Variants in RUFY3 observed in about 807,000 individuals in gnomAD.
RUFY3 encodes protein RUFY3.
A neutral mutation model predicts 84.0 loss-of-function variants in RUFY3; 34 were observed. That is an observed-to-expected ratio of 0.40 (90% CI 0.31 to 0.54). The LOEUF is 0.54. Ranked by LOEUF, RUFY3 falls within the 20% of genes least tolerant of loss-of-function variation. The pLI is 0.39. For synonymous variants in RUFY3, 242 were observed against 252.9 expected (o/e 0.96, Z 0.41); for missense variants, 507 against 736.8 (o/e 0.69, Z 3.61).
chr4:70,713,541 G>A (rs1741235308), intron 1 of RUFY3, among the ~76,000 whole-genome samples: 1 of 152,088 alleles, frequency 6.6e-6, no homozygotes, highest in Non-Finnish European at 1.5e-5. Context: ...AGCTTTGTCA[G>A]AGGGAGTGGT....
chr4:70,777,918 T>G (rs1163515332), intron 7 of RUFY3, among the ~76,000 whole-genome samples: 4 of 152,180 alleles, frequency 2.6e-5, no homozygotes, highest in Non-Finnish European at 5.9e-5. Context: ...TAGCCTTTTG[T>G]AAGCCTAGAG....
intron 15 of RUFY3, chr4:70,802,740 A>G: frequency 2.4e-6 from 1 of 425,496 alleles, no homozygotes; most frequent in East Asian, 3.5e-5. Flanking sequence ...CTTATATAAT[A>G]AGTCAAGGGT....
chr4:70,768,033 C>G (rs1423908582), intron 4 of RUFY3, among the ~76,000 whole-genome samples: 1 of 152,028 alleles, frequency 6.6e-6, no homozygotes, highest in African/African-American at 2.4e-5. Context: ...TGGGGTCTTA[C>G]TATGTTGCTC....
At position 70,722,431 on chromosome 4, in the gene RUFY3, A is replaced by C; in HGVS notation, c.-143A>C. The C allele has an allele frequency of 7.5e-7, 1 of 1,336,452 alleles. No homozygotes were observed. 82.8% of individuals were successfully genotyped at this position (1,336,452 alleles called of 1,614,324 possible). On this transcript the variant is annotated 5_prime_UTR_variant, in exon 1 of 18. Coordinates refer to ENST00000381006, the MANE Select transcript of RUFY3 (RefSeq NM_001037442.4). ...TATTTTTCCTTTTTTTTTTTTTTAA[A>C]CCTCCCCCACCCTTTTCCTGAAAGC... is the stretch of plus-strand genomic sequence containing the variant.
intron 1 of RUFY3, among the ~76,000 whole-genome samples, chr4:70,756,609 C>T (rs77842791): frequency 1.2e-3 from 181 of 152,244 alleles, no homozygotes; most frequent in Non-Finnish European, 2.0e-3. Flanking sequence ...CTACTGCTAC[C>T]CCTTCCTTAC....
chr4:70,707,479 C>G (rs1190106667), intron 1 of RUFY3, among the ~76,000 whole-genome samples: 5 of 152,178 alleles, frequency 3.3e-5, no homozygotes, highest in Non-Finnish European at 7.4e-5. Flanking sequence ...CTCCTGACCT[C>G]AAATGATCCA....
chr4:70,726,183 G>A (rs1718198174), intron 1 of RUFY3, among the ~76,000 whole-genome samples: 1 of 152,116 alleles, frequency 6.6e-6, no homozygotes, highest in Non-Finnish European at 1.5e-5. Context: ...AAAGCAGAAT[G>A]TACCCGATGA....
chr4:70,765,823 C>T (rs544136862), intron 4 of RUFY3, among the ~76,000 whole-genome samples: 4 of 149,066 alleles, frequency 2.7e-5, no homozygotes, highest in East Asian at 2.0e-4. Context: ...AGTGCAGTGG[C>T]GCTATCTCCA....
chr4:70,781,848 T>A (rs1411782479), intron 8 of RUFY3, among the ~76,000 whole-genome samples: 1 of 152,300 alleles, frequency 6.6e-6, no homozygotes, highest in Non-Finnish European at 1.5e-5. Flanking sequence ...TGGTTATTCC[T>A]CTCGGCCTCA....
Position 70,793,769 on chromosome 4 carries a change from T to C in RUFY3, c.1338-16T>C, listed in dbSNP as rs758079709. ...GCTTTTGTTTTTTATCACAAGTTCA[T>C]GTGGCTCACATCCAGATTGCGCCAG... On this transcript the variant is annotated splice_polypyrimidine_tract_variant and intron_variant, in intron 12 of 17. Coordinates refer to ENST00000381006, the MANE Select transcript of RUFY3 (RefSeq NM_001037442.4). The C allele has an allele frequency of 1.9e-6, 3 of 1,613,934 alleles. No homozygotes were observed. Among genetic ancestry groups the C allele is most frequent in the Non-Finnish European group, 2.5e-6 (3 of 1,179,902 alleles).
chr4:70,794,566 C>T lies in RUFY3; in HGVS notation c.1458-229C>T, dbSNP rs1316388863. ...ACTGCACTCCAGCCTGGCAACAGAA[C>T]AAGACTCCATCTCAAAAAAAGGTAG... On this transcript the variant is annotated intron_variant, in intron 13 of 17. Transcript: ENST00000381006. 3 of 487,470 alleles carry T rather than the reference C, an allele frequency of 6.2e-6. No homozygotes were observed. In the East Asian group the frequency reaches 1.2e-4, roughly 19 times the overall value. The allele number at this position is 487,470 out of a possible 1,614,324, so 30.2% of individuals were successfully genotyped here. A position where few individuals can be genotyped will look rare whatever the true frequency, so the allele number is the denominator to read the frequency against.
chr4:70,728,930 A>G (rs950487283), intron 1 of RUFY3, among the ~76,000 whole-genome samples: 1 of 151,428 alleles, frequency 6.6e-6, no homozygotes, highest in African/African-American at 2.4e-5. Flanking sequence ...ATTTCTAAGT[A>G]GAATTTTGAC....
chr4:70,746,021 T>C (rs557371451), intron 1 of RUFY3, among the ~76,000 whole-genome samples: 3 of 149,038 alleles, frequency 2.0e-5, no homozygotes, highest in Middle Eastern at 7.6e-3. Flanking sequence ...GCCTGGGCAA[T>C]AGAGTGAGTC....
chr4:70,750,058 T>C (rs2148669676), intron 1 of RUFY3, among the ~76,000 whole-genome samples: 1 of 152,110 alleles, frequency 6.6e-6, no homozygotes, highest in South Asian at 2.1e-4. Context: ...CAGAGTACAG[T>C]AGCATGATCA....
chr4:70,793,380 A>G, intron 12 of RUFY3: 1 of 1,047,314 alleles, frequency 9.5e-7, no homozygotes, highest in Non-Finnish European at 1.2e-6. Context: ...TTATGTGTGT[A>G]AAACAGAAAA....
At chr4:70,731,760 G>A (rs1000196037) in intron 1 of RUFY3, among the ~76,000 whole-genome samples, 4 of 152,100 alleles carry the variant, frequency 2.6e-5, no homozygotes, top group African/African-American at 7.2e-5. Context: ...TGCAGACAGG[G>A]TTTTGCCATG....
Position 70,806,385 on chromosome 4 carries a change from C to T in RUFY3, c.1720-131C>T, listed in dbSNP as rs980014064. ...GATTGGGCCTGTGTTCAGATACTAC[C>T]TGGCACATAGTAAACATTCAGTCAT... On this transcript the variant is annotated intron_variant, in intron 17 of 17. Transcript: ENST00000381006. 4 of 1,046,132 alleles carry T rather than the reference C, an allele frequency of 3.8e-6. No homozygotes were observed. In the Admixed American group the frequency reaches 6.1e-5, roughly 16 times the overall value. 64.8% of individuals were successfully genotyped at this position (1,046,132 alleles called of 1,614,324 possible). A position where few individuals can be genotyped will look rare whatever the true frequency, so the allele number is the denominator to read the frequency against.
At chr4:70,707,473 T>G (rs1740469077) in intron 1 of RUFY3, among the ~76,000 whole-genome samples, 1 of 152,176 alleles carries the variant, frequency 6.6e-6, no homozygotes. Flanking sequence ...ATCGAACTCC[T>G]GACCTCAAAT....
chr4:70,736,764 G>A (rs955457643), intron 1 of RUFY3, among the ~76,000 whole-genome samples: 1 of 152,036 alleles, frequency 6.6e-6, no homozygotes. Context: ...TAGAGACAGG[G>A]TTTCACCATG....
Sources: gnomAD v4.1 joint callset for allele counts (sites outside exome capture counted in the v4.1 genomes callset) on GRCh38, gnomAD v4.1.1 for gene constraint, MANE v1.5 for transcripts, NCBI Gene and HGNC (gene_info 2026-07-23, HGNC 2026-07-21) for gene names.